Variants in ALPL observed in about 807,000 individuals in gnomAD.
ALPL encodes the protein alkaline phosphatase, biomineralization associated.
Under a neutral mutation model 51.3 loss-of-function variants are expected in ALPL, and 42 were observed. The ratio of observed to expected loss-of-function variants is 0.82; its 90% CI spans 0.64 to 1.06. The LOEUF is 1.06. Among genes scored for constraint, ALPL ranks in the 50% least tolerant of loss-of-function variants. The probability of loss-of-function intolerance (pLI) is 0.00; values close to 1 mark genes in which losing one functional copy is unlikely to be tolerated. For missense variants in ALPL, 589 were observed against 709.4 expected (o/e 0.83, Z 1.93); for synonymous variants, 279 against 296.4 (o/e 0.94, Z 0.60).
intron 2 of ALPL, among the ~76,000 whole-genome samples, chr1:21,557,703 G>A (rs1478689699): frequency 6.6e-6 from 1 of 152,166 alleles, no homozygotes; most frequent in Non-Finnish European, 1.5e-5. Flanking sequence ...CAAAAGTGCT[G>A]GGATTACAGG....
intron 1 of ALPL, among the ~76,000 whole-genome samples, chr1:21,513,617 T>C (rs1643734301): frequency 6.6e-6 from 1 of 152,110 alleles, no homozygotes; most frequent in Non-Finnish European, 1.5e-5. Context: ...GGTCCTCAGA[T>C]ATTTATAGCC....
intron 6 of ALPL, among the ~76,000 whole-genome samples, chr1:21,566,159 T>C (rs75468497): frequency 0.015 from 2,331 of 152,310 alleles, 66 homozygotes; most frequent in African/African-American, 0.053. Context: ...AACCACTTGT[T>C]TCCCCACTCC....
chr1:21,516,806 T>C (rs1298866518), intron 1 of ALPL, among the ~76,000 whole-genome samples: 1 of 152,244 alleles, frequency 6.6e-6, no homozygotes, highest in Non-Finnish European at 1.5e-5. Context: ...ACCTAAGTGA[T>C]TTTTTTGTGT....
intron 1 of ALPL, among the ~76,000 whole-genome samples, chr1:21,552,621 A>G (rs1043178006): frequency 1.3e-5 from 2 of 152,206 alleles, no homozygotes; most frequent in African/African-American, 4.8e-5. Context: ...TGTGTTGCCC[A>G]GGCTGGTCTC....
intron 8 of ALPL, among the ~76,000 whole-genome samples, chr1:21,570,806 C>T (rs1485873373): frequency 6.6e-6 from 1 of 152,208 alleles, no homozygotes. Flanking sequence ...TTGCCCTCCT[C>T]CCCAGGCAGT....
Position 21,512,508 on chromosome 1 carries a change from C to T in ALPL, c.-105+2991C>T, listed in dbSNP as rs1291958765. 4.6e-5 allele frequency among the ~76,000 whole-genome samples: 7 copies of T among 152,122 alleles called. No individual in the cohort carries two copies. In the South Asian group the frequency reaches 1.2e-3, roughly 27 times the overall value. ...ATCCCTACCAGGTGATCCTGAGGGCCTGAGGGAAGTCCACGTTTAGGTCAC... is the reference window on the plus strand; with the variant it reads ...ATCCCTACCAGGTGATCCTGAGGGCTTGAGGGAAGTCCACGTTTAGGTCAC... On this transcript the variant is annotated intron_variant, in intron 1 of 11. Coordinates refer to ENST00000374840, the MANE Select transcript of ALPL (RefSeq NM_000478.6).
chr1:21,568,865 T>C (rs1405476882), intron 7 of ALPL, among the ~76,000 whole-genome samples: 1 of 152,078 alleles, frequency 6.6e-6, no homozygotes, highest in Non-Finnish European at 1.5e-5. Flanking sequence ...TGGAGGGACC[T>C]CTGGAAGGAC....
chr1:21,569,347 C>T (rs902764710), intron 7 of ALPL, among the ~76,000 whole-genome samples: 2 of 152,206 alleles, frequency 1.3e-5, no homozygotes, highest in Non-Finnish European at 2.9e-5. Flanking sequence ...AGAGCGTCTA[C>T]ACCATGGCCC....
At chr1:21,513,287 C>T (rs534196163) in intron 1 of ALPL, among the ~76,000 whole-genome samples, 1 of 152,258 alleles carries the variant, frequency 6.6e-6, no homozygotes, top group East Asian at 1.9e-4. Flanking sequence ...AATTCAGTCT[C>T]CTGGCCTTAA....
At chr1:21,574,948 T>A (rs1329879467) in intron 9 of ALPL, among the ~76,000 whole-genome samples, 1 of 152,224 alleles carries the variant, frequency 6.6e-6, no homozygotes, top group East Asian at 1.9e-4. Flanking sequence ...GGCAGCGCCC[T>A]CCTGTTAGCA....
intron 1 of ALPL, among the ~76,000 whole-genome samples, chr1:21,540,649 G>C (rs926936713): frequency 6.6e-6 from 1 of 152,120 alleles, no homozygotes; most frequent in South Asian, 2.1e-4. Flanking sequence ...AATGCAAGCC[G>C]CCTGCTCGTG....
At chr1:21,530,459 C>G (rs1025556786) in intron 1 of ALPL, among the ~76,000 whole-genome samples, 5 of 152,248 alleles carry the variant, frequency 3.3e-5, no homozygotes, top group African/African-American at 1.2e-4. Context: ...AAGGCTGACC[C>G]TAGTCGCCCA....
rs534596157 is a variant in ALPL at position 21,571,540 on chromosome 1, C to T, written c.862+1166C>T. ...ACAAAAAATTAGCCTGGCGTGGTGGCGGGCGCCTGTAGTCCCAGCTACTCA... is the reference window on the plus strand; with the variant it reads ...ACAAAAAATTAGCCTGGCGTGGTGGTGGGCGCCTGTAGTCCCAGCTACTCA... On this transcript the variant is annotated intron_variant, in intron 8 of 11. Transcript: ENST00000374840. Among the ~76,000 whole-genome samples the T allele has an allele frequency of 3.3e-5, 5 of 152,136 alleles. No individual in the cohort carries two copies. The East Asian group carries it at 5.8e-4, about 18-fold the overall frequency.
chr1:21,519,826 G>A (rs1309748196), intron 1 of ALPL, among the ~76,000 whole-genome samples: 1 of 152,108 alleles, frequency 6.6e-6, no homozygotes, highest in Non-Finnish European at 1.5e-5. Flanking sequence ...TGAGGCTCAG[G>A]GAGGGAGGGT....
intron 11 of ALPL, 50 bp from the exon 12 acceptor site, chr1:21,577,333 A>T (rs370663955): frequency 6.8e-6 from 11 of 1,612,218 alleles, no homozygotes; most frequent in Admixed American, 1.7e-5. Context: ...CTGCGTGCGC[A>T]GCGCCAGGCC....
At chr1:21,522,229 G>A (rs376074981) in intron 1 of ALPL, among the ~76,000 whole-genome samples, 55 of 152,086 alleles carry the variant, frequency 3.6e-4, no homozygotes, top group African/African-American at 1.2e-3. Context: ...ACACCACCAC[G>A]CCCAGCTAAT....
intron 2 of ALPL, among the ~76,000 whole-genome samples, chr1:21,558,407 C>T (rs1283168187): frequency 1.3e-5 from 2 of 152,166 alleles, no homozygotes; most frequent in Non-Finnish European, 2.9e-5. Context: ...CCAACAGCAC[C>T]GTGGTGTGTT....
intron 1 of ALPL, among the ~76,000 whole-genome samples, chr1:21,548,763 C>T (rs79650007): frequency 6.6e-6 from 1 of 152,286 alleles, no homozygotes; most frequent in Non-Finnish European, 1.5e-5. Context: ...CTGCTCCCTG[C>T]CTCCCCACTG....
rs1260405114 is a variant in ALPL, at chr1:21,577,957, C to G, written c.*309C>G. 2.0e-6 allele frequency: 1 copy of G among 506,254 alleles called. No individual in the cohort carries two copies. Among genetic ancestry groups the G allele is most frequent in the East Asian group, 3.4e-5 (1 of 29,740 alleles). The allele number at this position is 506,254 out of a possible 1,614,324, so 31.4% of individuals were successfully genotyped here. A position where few individuals can be genotyped will look rare whatever the true frequency, so the allele number is the denominator to read the frequency against. On this transcript the variant is annotated 3_prime_UTR_variant, in exon 12 of 12. Coordinates refer to ENST00000374840, the MANE Select transcript of ALPL (RefSeq NM_000478.6). ...CAAAGCCTCTTATTTTTCTAGCGAA[C>G]GTATTTCTCCAGACCCAGAGGCCCT...
Sources: gnomAD v4.1 joint callset for allele counts (sites outside exome capture counted in the v4.1 genomes callset) on GRCh38, gnomAD v4.1.1 for gene constraint, MANE v1.5 for transcripts, NCBI Gene and HGNC (gene_info 2026-07-23, HGNC 2026-07-21) for gene names.